The following HAS3 variants were observed in gnomAD, a reference collection of about 807,000 sequenced individuals.
The protein encoded by HAS3 is HA synthase 3.
In HAS3, 27 loss-of-function variants were observed where a neutral mutation model predicts 50.3. That is an observed-to-expected ratio of 0.54 (90% CI 0.40 to 0.74). The LOEUF (loss-of-function observed/expected upper bound fraction) is 0.74. Ranked by LOEUF, HAS3 falls within the 30% of genes least tolerant of loss-of-function variation. The probability of loss-of-function intolerance (pLI) is 0.00; values close to 1 mark genes in which losing one functional copy is unlikely to be tolerated. For missense variants in HAS3, 517 were observed against 742.8 expected, an observed-to-expected ratio of 0.70 and a Z score of 3.53; for synonymous variants, 339 against 310.9, an observed-to-expected ratio of 1.09 and a Z score of -0.95.
At chr16:69,113,361 T>C (rs528418655) in intron 2 of HAS3, 80 bp from the exon 3 acceptor site, 30 of 896,612 alleles carry the variant, frequency 3.3e-5, no homozygotes, top group Non-Finnish European at 5.7e-5. Context: ...TCTCAGGCAG[T>C]GAGCAGCCTG....
rs376302074 is a variant in HAS3 at position 69,109,369 on chromosome 16, C to T, written c.1-27C>T. 7.6e-6 allele frequency: 12 copies of T among 1,576,378 alleles called. No individual in the cohort carries two copies. Among genetic ancestry groups the T allele is most frequent in the Non-Finnish European group, 9.4e-6 (11 of 1,164,648 alleles). Reference sequence around the variant, plus strand: ...CTGGAAATGCTGCCTCCTGCCTGACCCTTCATCTCCTGCCTTCTCTCGCCA... The same window carrying T: ...CTGGAAATGCTGCCTCCTGCCTGACTCTTCATCTCCTGCCTTCTCTCGCCA... On this transcript the variant is annotated intron_variant, in intron 1 of 3. Transcript: ENST00000569188. This position sits in a 1 kb window ranked among gnomAD's most constrained non-coding sequence, Gnocchi z 5.3.
the HAS3 span, among the ~76,000 whole-genome samples, chr16:69,100,085 CTG>C: frequency 6.6e-6 from 1 of 152,168 alleles, no homozygotes; most frequent in African/African-American, 2.4e-5. Context: ...GAGAGGGAGA[CTG>C]GAGTTAAAAT....
chr16:69,109,928 T>C lies in HAS3; in HGVS notation c.533T>C (p.Val178Ala), dbSNP rs1410681877. ...QEGMDRVRDV[V>A]RASTFSCIMQ... The stretch of plus-strand genomic sequence containing the variant: ...GGCATGGACCGTGTGCGGGATGTGG[T>C]GCGGGCCAGCACCTTCTCGTGCATC... The change falls in exon 2 of 4, where the codon GTG (valine) becomes GCG (alanine). Residue 178 changes from valine to alanine, a missense_variant. By Grantham distance (64) the Val-to-Ala change is moderately conservative (BLOSUM62 0). Coordinates refer to ENST00000569188, the MANE Select transcript of HAS3 (RefSeq NM_001199280.2). This position sits in a 1 kb window ranked among gnomAD's most constrained non-coding sequence, Gnocchi z 5.3. 2 of 1,613,916 alleles carry C rather than the reference T, an allele frequency of 1.2e-6. No individual in the cohort carries two copies. The highest frequency in any genetic ancestry group is 1.7e-6 in the Non-Finnish European group (2 of 1,180,008).
At chr16:69,088,570 AAAAAG>A in the HAS3 span, among the ~76,000 whole-genome samples, 17 of 152,018 alleles carry the variant, frequency 1.1e-4, no homozygotes, top group South Asian at 1.0e-3. Context: ...AAAAAAAAAA[AAAAAG>A]AAAAGACAAG....
At chr16:69,098,649 A>G in the HAS3 span, among the ~76,000 whole-genome samples, 1 of 141,732 alleles carries the variant, frequency 7.1e-6, no homozygotes, top group Non-Finnish European at 1.5e-5. Context: ...CTATTAATAT[A>G]TTATCAAACC....
At position 69,106,524 on chromosome 16, in the gene HAS3, C is replaced by T. The variant is rs1960800835; in HGVS notation, c.-1+737C>T. On this transcript the variant is annotated intron_variant, in intron 1 of 3. Transcript: ENST00000569188. This position sits in a 1 kb window ranked among gnomAD's most constrained non-coding sequence, Gnocchi z 5.5. Reference sequence around the variant, plus strand: ...CCGGCGGCCGTTCCTGCAGCCCCCTCCCCACTGACCCCTCCTCCCTTTCTT... The same window carrying T: ...CCGGCGGCCGTTCCTGCAGCCCCCTTCCCACTGACCCCTCCTCCCTTTCTT... 6.6e-6 allele frequency: 1 copy of T among 151,936 alleles called. No homozygotes were observed. The highest frequency in any genetic ancestry group is 6.6e-5 in the Admixed American group (1 of 15,256). 9.4% of individuals were successfully genotyped at this position (151,936 alleles called of 1,614,324 possible). A position where few individuals can be genotyped will look rare whatever the true frequency, so the allele number is the denominator to read the frequency against.
At chr16:69,088,857 G>A in the HAS3 span, among the ~76,000 whole-genome samples, 1 of 152,128 alleles carries the variant, frequency 6.6e-6, no homozygotes, top group Non-Finnish European at 1.5e-5. Context: ...AGGAGTTTGA[G>A]GCAGCAGTGA....
the HAS3 span, chr16:69,085,265 C>A: frequency 6.6e-6 from 1 of 152,342 alleles, no homozygotes; most frequent in East Asian, 1.9e-4. Flanking sequence ...TTTGCATTAA[C>A]CGCATTCCAG....
Position 69,115,321 on chromosome 16 carries a change from T to G in HAS3, c.*55T>G, listed in dbSNP as rs1961146871. The G allele has an allele frequency of 6.7e-7, 1 of 1,488,008 alleles. No homozygotes were observed. The highest frequency in any genetic ancestry group is 8.9e-7 in the Non-Finnish European group (1 of 1,123,376). The allele number at this position is 1,488,008 out of a possible 1,614,324, so 92.2% of individuals were successfully genotyped here. ...CAATGGGTAAGGGAGGGAAGGGGAA[T>G]GGAAGAGAAAAGACAGGGTGGGAGG... On this transcript the variant is annotated 3_prime_UTR_variant, in exon 4 of 4. Transcript: ENST00000569188.
At position 69,108,679 on chromosome 16, in the gene HAS3, T is replaced by TC. The variant is rs1376230864; in HGVS notation, c.1-713dup. On this transcript the variant is annotated intron_variant, in intron 1 of 3. Coordinates refer to ENST00000569188, the MANE Select transcript of HAS3 (RefSeq NM_001199280.2). ...CCCTGGGCTCTAGGAGGCTGTCCAC[T>TC]CCCCAGCTTGCATTTCCTGGTCTGC... 2.0e-5 allele frequency among the ~76,000 whole-genome samples: 3 copies of TC among 152,254 alleles called. No individual in the cohort carries two copies. In the East Asian group the frequency reaches 5.8e-4, roughly 29 times the overall value.
At chr16:69,102,865 A>G (rs1394108191), upstream of HAS3, among the ~76,000 whole-genome samples, 2 of 152,000 alleles carry the variant, frequency 1.3e-5, no homozygotes, top group Admixed American at 6.6e-5. Context: ...CAGAGAAGTC[A>G]TGTTGCTGCT....
At chr16:69,090,184 A>G in the HAS3 span, among the ~76,000 whole-genome samples, 46 of 152,242 alleles carry the variant, frequency 3.0e-4, no homozygotes, top group African/African-American at 1.1e-3. Flanking sequence ...ACATATACAC[A>G]TGAATCCCAA....
At chr16:69,110,371 TG>T (rs1164229007) in intron 2 of HAS3, among the ~76,000 whole-genome samples, 1 of 152,170 alleles carries the variant, frequency 6.6e-6, no homozygotes, top group Admixed American at 6.5e-5. Context: ...GAATGGCTCC[TG>T]GGGAATAAGG....
chr16:69,104,154 G>A (rs898701135), upstream of HAS3, among the ~76,000 whole-genome samples: 28 of 151,854 alleles, frequency 1.8e-4, no homozygotes, highest in African/African-American at 6.8e-4. Context: ...GTAGTGGTTC[G>A]ATCATAGCTC....
chr16:69,087,318 C>A, the HAS3 span, among the ~76,000 whole-genome samples: 1 of 152,234 alleles, frequency 6.6e-6, no homozygotes, highest in African/African-American at 2.4e-5. Context: ...ACAGCCAAAC[C>A]CCAGGCTTCT....
chr16:69,099,754 C>T, the HAS3 span, among the ~76,000 whole-genome samples: 43 of 151,796 alleles, frequency 2.8e-4, no homozygotes, highest in African/African-American at 9.9e-4. Flanking sequence ...TCCTCATGAA[C>T]GTGTTTTTTT....
the HAS3 span, among the ~76,000 whole-genome samples, chr16:69,091,408 C>T: frequency 2.0e-5 from 3 of 152,088 alleles, no homozygotes; most frequent in Admixed American, 6.6e-5. Context: ...CATACCGAAA[C>T]GTTTCTATGC....
At position 69,113,537 on chromosome 16, in the gene HAS3, G is replaced by A. The variant is rs1961078521; in HGVS notation, c.733G>A (p.Val245Ile). The A allele has an allele frequency of 1.9e-6, 3 of 1,586,310 alleles. No individual in the cohort carries two copies. The highest frequency in any genetic ancestry group is 1.7e-5 in the Admixed American group (1 of 59,830). ...DPQVGGVGGD[V>I]QILNKYDSWI... ...CCAAGTAGGGGGAGTCGGGGGAGATGTCCAGGTAAGATGAGACCAGGGATA... is the reference window on the plus strand; with the variant it reads ...CCAAGTAGGGGGAGTCGGGGGAGATATCCAGGTAAGATGAGACCAGGGATA... The change falls in exon 3 of 4, where the codon GTC becomes ATC. Residue 245 changes from valine to isoleucine, a missense_variant. Val to Ile is a conservative substitution (Grantham distance 29). Coordinates refer to ENST00000569188, the MANE Select transcript of HAS3 (RefSeq NM_001199280.2).
chr16:69,117,210 G>A lies in HAS3; in HGVS notation c.*1944G>A. 1 of 985,894 alleles carries A rather than the reference G, an allele frequency of 1.0e-6. No homozygotes were observed. Among genetic ancestry groups the A allele is most frequent in the Non-Finnish European group, 1.2e-6 (1 of 829,930 alleles). 61.1% of individuals were successfully genotyped at this position (985,894 alleles called of 1,614,324 possible). ...GAGGAAATCCGGTCAGCCAAGTGCA[G>A]AGTTCAGACTTCGCTAAGGGCTTGT... is the stretch of plus-strand genomic sequence containing the variant. On this transcript the variant is annotated 3_prime_UTR_variant, in exon 4 of 4. Transcript: ENST00000569188.
Sources: allele counts gnomAD v4.1 joint callset (sites outside exome capture counted in the v4.1 genomes callset), GRCh38; gene constraint gnomAD v4.1.1; non-coding constraint Gnocchi (gnomAD v3.1); transcripts MANE v1.5; gene names NCBI Gene and HGNC (gene_info 2026-07-23, HGNC 2026-07-21).